Variants in NBEA observed in about 807,000 individuals in gnomAD.
The protein encoded by NBEA is neurobeachin, also known as lysosomal-trafficking regulator 2.
A neutral mutation model predicts 343.4 loss-of-function variants in NBEA; 44 were observed. The observed-to-expected ratio is 0.13, with a 90% CI of 0.10 to 0.16. The LOEUF is 0.16. NBEA is among the 10% of genes least tolerant of loss of function. The probability of loss-of-function intolerance (pLI) is 1.00; values close to 1 mark genes in which losing one functional copy is unlikely to be tolerated. For synonymous variants in NBEA, 1,175 were observed against 1,238.7 expected, an observed-to-expected ratio of 0.95 and a Z score of 1.08; for missense variants, 2,555 against 3,631.3, an observed-to-expected ratio of 0.70 and a Z score of 7.62.
At chr13:35,282,938 T>C (rs1389945743) in intron 34 of NBEA, among the ~76,000 whole-genome samples, 1 of 152,146 alleles carries the variant, frequency 6.6e-6, no homozygotes, top group African/African-American at 2.4e-5. Context: ...GATGTAATTA[T>C]TGTTCCTTAA....
intron 39 of NBEA, among the ~76,000 whole-genome samples, chr13:35,435,203 G>C (rs1348404830): frequency 6.6e-6 from 1 of 152,022 alleles, no homozygotes; most frequent in Non-Finnish European, 1.5e-5. Flanking sequence ...AGTAGAGACA[G>C]GGTTTCACTG....
chr13:35,115,355 A>G (rs1450361656), intron 13 of NBEA, among the ~76,000 whole-genome samples: 1 of 152,068 alleles, frequency 6.6e-6, no homozygotes, highest in Non-Finnish European at 1.5e-5. Flanking sequence ...TAAATATAAA[A>G]TGAACCTTAT....
chr13:35,074,534 G>GT (rs1380748115), intron 10 of NBEA, among the ~76,000 whole-genome samples: 3 of 152,222 alleles, frequency 2.0e-5, no homozygotes, highest in Non-Finnish European at 4.4e-5. Context: ...AATATATTGC[G>GT]TAAGTGTTCT....
At chr13:35,550,352 T>C (rs2079257820) in intron 41 of NBEA, 125 bp from the exon 42 acceptor site, 7 of 586,920 alleles carry the variant, frequency 1.2e-5, no homozygotes, top group Middle Eastern at 6.5e-4. Context: ...TATCAAATTA[T>C]TGACAATGTT....
intron 41 of NBEA, among the ~76,000 whole-genome samples, chr13:35,514,540 C>G (rs1473978661): frequency 6.6e-6 from 1 of 151,856 alleles, no homozygotes; most frequent in Non-Finnish European, 1.5e-5. Flanking sequence ...GATGCAAAAG[C>G]CTACTAAAAT....
chr13:35,175,077 A>C (rs1374162501), intron 27 of NBEA, among the ~76,000 whole-genome samples: 2 of 152,130 alleles, frequency 1.3e-5, no homozygotes, highest in Non-Finnish European at 2.9e-5. Context: ...GGCATGAGCC[A>C]CCACGCCCGG....
At chr13:34,985,786 T>G (rs1465328163) in intron 1 of NBEA, among the ~76,000 whole-genome samples, 1 of 150,938 alleles carries the variant, frequency 6.6e-6, no homozygotes. Context: ...GTTCAGGAAT[T>G]TATCCATTTC....
intron 58 of NBEA, 72 bp downstream of exon 58, chr13:35,668,591 G>A (rs1048284798): frequency 7.1e-7 from 1 of 1,409,392 alleles, no homozygotes; most frequent in African/African-American, 1.5e-5. Flanking sequence ...TACCAAGGGT[G>A]AATTGTGCTG....
chr13:35,446,323 T>C (rs1232152381), intron 39 of NBEA, among the ~76,000 whole-genome samples: 2 of 152,162 alleles, frequency 1.3e-5, no homozygotes, highest in African/African-American at 4.8e-5. Flanking sequence ...ATCCTTTGGG[T>C]ATATACCCAG....
At chr13:35,621,504 G>A (rs1185069732) in intron 48 of NBEA, among the ~76,000 whole-genome samples, 1 of 152,050 alleles carries the variant, frequency 6.6e-6, no homozygotes, top group African/African-American at 2.4e-5. Flanking sequence ...CTTGTCACCT[G>A]CTGACACACC....
At chr13:35,550,420 T>A in intron 41 of NBEA, 57 bp from the exon 42 acceptor site, 3 of 949,302 alleles carry the variant, frequency 3.2e-6, no homozygotes, top group Non-Finnish European at 3.3e-6. Context: ...ACTGTCAGAG[T>A]AGATCTTAAA....
intron 6 of NBEA, 41 bp downstream of exon 6, chr13:35,050,436 C>T (rs768334630): frequency 3.2e-6 from 5 of 1,576,052 alleles, no homozygotes; most frequent in East Asian, 2.3e-5. Context: ...CCTGTTATGA[C>T]AGAATTCTTA....
intron 41 of NBEA, among the ~76,000 whole-genome samples, chr13:35,485,126 C>G (rs1308111854): frequency 2.6e-5 from 4 of 152,014 alleles, no homozygotes; most frequent in African/African-American, 9.7e-5. Flanking sequence ...ATTACGTACA[C>G]TTCAGCCAAT....
chr13:35,347,981 G>T (rs1206879858), intron 36 of NBEA, among the ~76,000 whole-genome samples: 1 of 152,088 alleles, frequency 6.6e-6, no homozygotes, highest in African/African-American at 2.4e-5. Context: ...ATCAAAAGCT[G>T]CCTGGCATCT....
At chr13:35,011,024 A>G (rs2061480217) in intron 1 of NBEA, among the ~76,000 whole-genome samples, 1 of 151,842 alleles carries the variant, frequency 6.6e-6, no homozygotes, top group South Asian at 2.1e-4. Flanking sequence ...CTAGCAGGTC[A>G]AAGGTCAGGA....
chr13:35,365,529 A>G (rs887664465), intron 38 of NBEA, among the ~76,000 whole-genome samples: 2 of 151,676 alleles, frequency 1.3e-5, no homozygotes, highest in African/African-American at 4.8e-5. Flanking sequence ...ATGTTTTTCA[A>G]AAAGTAACAT....
chr13:35,291,259 T>C (rs997085671), intron 35 of NBEA, among the ~76,000 whole-genome samples: 1 of 151,878 alleles, frequency 6.6e-6, no homozygotes, highest in Non-Finnish European at 1.5e-5. Flanking sequence ...AAGAAACATA[T>C]ATCTAAGCTA....
intron 46 of NBEA, among the ~76,000 whole-genome samples, chr13:35,588,797 T>A (rs1227427752): frequency 6.6e-6 from 1 of 152,176 alleles, no homozygotes; most frequent in Non-Finnish European, 1.5e-5. Context: ...TTTCCCTGGC[T>A]TGCTGACCAC....
chr13:35,354,673 G>T (rs780245077), intron 38 of NBEA, among the ~76,000 whole-genome samples: 26 of 151,998 alleles, frequency 1.7e-4, no homozygotes, highest in Non-Finnish European at 2.8e-4. Context: ...TTTAAGCATA[G>T]GTTTTGTTCT....
Sources: allele counts gnomAD v4.1 joint callset (sites outside exome capture counted in the v4.1 genomes callset), GRCh38; gene constraint gnomAD v4.1.1; transcripts MANE v1.5; gene names NCBI Gene and HGNC (gene_info 2026-07-23, HGNC 2026-07-21).